Variants in CSMD1 observed in about 807,000 individuals in gnomAD.
CSMD1 encodes CUB and Sushi multiple domains 1, also known as CUB and sushi domain-containing protein 1.
A neutral mutation model predicts 417.5 loss-of-function variants in CSMD1; 213 were observed. The observed-to-expected ratio is 0.51, with a 90% CI of 0.46 to 0.57. CSMD1 has a LOEUF of 0.57. CSMD1 is among the 20% of genes least tolerant of loss of function. The probability of loss-of-function intolerance (pLI) is 0.00; values close to 1 mark genes in which losing one functional copy is unlikely to be tolerated. For synonymous variants in CSMD1, 2,862 were observed against 1,736.8 expected (o/e 1.65, Z -16.11); for missense variants, 6,923 against 4,529.7 (o/e 1.53, Z -15.17).
At chr8:3,836,701 G>C (rs1339849861) in intron 5 of CSMD1, among the ~76,000 whole-genome samples, 2 of 151,974 alleles carry the variant, frequency 1.3e-5, no homozygotes, top group Admixed American at 6.6e-5. Flanking sequence ...GGTTAGAATT[G>C]GGAAAATAAA....
chr8:3,402,209 C>G (rs1236779714), intron 15 of CSMD1, among the ~76,000 whole-genome samples: 2 of 152,288 alleles, frequency 1.3e-5, no homozygotes, highest in South Asian at 4.1e-4. Flanking sequence ...AGAGAACTCA[C>G]TCACACCCCT....
At position 3,313,857 on chromosome 8, in the gene CSMD1, T is replaced by C. The variant is rs544443681; in HGVS notation, c.3632-5354A>G. Among the ~76,000 whole-genome samples the C allele has an allele frequency of 9.3e-4, 142 of 152,092 alleles. 2 individuals are homozygous for C. Among genetic ancestry groups the C allele is most frequent in the Admixed American group, 3.2e-3 (49 of 15,270 alleles). ...GCGGCACTATTCACAATAGCAAAGA[T>C]TTGGAACCAACCCAAATGTCCAACA... is the stretch of plus-strand genomic sequence containing the variant. On this transcript the variant is annotated intron_variant, in intron 23 of 69. Transcript: ENST00000635120.
At chr8:3,567,427 AAAAAT>A (rs982621782) in intron 10 of CSMD1, among the ~76,000 whole-genome samples, 2 of 152,040 alleles carry the variant, frequency 1.3e-5, no homozygotes. Context: ...TAAAAGTTTT[AAAAAT>A]AAAATAAAAA....
At chr8:4,259,044 G>T (rs1052650929) in intron 3 of CSMD1, among the ~76,000 whole-genome samples, 1 of 152,134 alleles carries the variant, frequency 6.6e-6, no homozygotes, top group Admixed American at 6.5e-5. Flanking sequence ...AGGAAAAATT[G>T]TGCAAAGACC....
intron 3 of CSMD1, among the ~76,000 whole-genome samples, chr8:4,356,614 T>A (rs1024577874): frequency 2.6e-5 from 4 of 152,210 alleles, no homozygotes; most frequent in Admixed American, 6.5e-5. Flanking sequence ...CTTGGCTGTT[T>A]TCACTGTGTC....
At chr8:4,962,309 C>G (rs1461184817) in intron 1 of CSMD1, among the ~76,000 whole-genome samples, 1 of 152,004 alleles carries the variant, frequency 6.6e-6, no homozygotes, top group Non-Finnish European at 1.5e-5. Flanking sequence ...CTCCTGGTCT[C>G]AAAAGAGCTT....
At chr8:3,552,197 G>A (rs1371940984) in intron 10 of CSMD1, among the ~76,000 whole-genome samples, 1 of 152,060 alleles carries the variant, frequency 6.6e-6, no homozygotes, top group Non-Finnish European at 1.5e-5. Context: ...ACTGTCTGTG[G>A]AAAAGACAAC....
At chr8:3,521,882 C>A (rs563107103) in intron 10 of CSMD1, among the ~76,000 whole-genome samples, 1 of 152,258 alleles carries the variant, frequency 6.6e-6, no homozygotes, top group Non-Finnish European at 1.5e-5. Flanking sequence ...AGTTTGATGC[C>A]AAATTTTGTG....
chr8:4,083,750 C>A (rs1388074762), intron 3 of CSMD1, among the ~76,000 whole-genome samples: 1 of 152,052 alleles, frequency 6.6e-6, no homozygotes, highest in Non-Finnish European at 1.5e-5. Context: ...AGAAGAAAAC[C>A]TAGGCATTAC....
intron 3 of CSMD1, among the ~76,000 whole-genome samples, chr8:4,105,448 T>A (rs1033755972): frequency 2.0e-5 from 3 of 152,218 alleles, no homozygotes; most frequent in Non-Finnish European, 4.4e-5. Context: ...TCATTAATGA[T>A]GTATTCATTC....
At chr8:4,554,756 G>A (rs1038399557) in intron 2 of CSMD1, among the ~76,000 whole-genome samples, 3 of 152,208 alleles carry the variant, frequency 2.0e-5, no homozygotes, top group Non-Finnish European at 4.4e-5. Flanking sequence ...TTTATTGAGT[G>A]CTAGTCATTG....
intron 10 of CSMD1, among the ~76,000 whole-genome samples, chr8:3,501,902 T>C (rs1271547057): frequency 6.6e-6 from 1 of 152,170 alleles, no homozygotes; most frequent in African/African-American, 2.4e-5. Context: ...CAAATATATC[T>C]ACCATAGATA....
At chr8:4,139,170 T>C (rs79987535) in intron 3 of CSMD1, among the ~76,000 whole-genome samples, 44,995 of 151,964 alleles carry the variant, frequency 0.3, 8,088 homozygotes, top group Non-Finnish European at 0.39. Context: ...ATGAAACCCT[T>C]TACTTAAACT....
At chr8:4,313,741 C>A (rs1258169926) in intron 3 of CSMD1, among the ~76,000 whole-genome samples, 1 of 152,084 alleles carries the variant, frequency 6.6e-6, no homozygotes, top group Non-Finnish European at 1.5e-5. Flanking sequence ...CTAGGCCGGG[C>A]ACAGTGGCTC....
chr8:3,839,500 A>G (rs1431174684), intron 5 of CSMD1, among the ~76,000 whole-genome samples: 5 of 59,356 alleles, frequency 8.4e-5, no homozygotes, highest in Admixed American at 2.8e-4. Context: ...ATATATTAAT[A>G]TATATATTTA....
intron 10 of CSMD1, among the ~76,000 whole-genome samples, chr8:3,565,485 C>G (rs954643552): frequency 3.3e-5 from 5 of 152,182 alleles, no homozygotes; most frequent in African/African-American, 1.2e-4. Context: ...TGAACCATAT[C>G]TATTCCAATC....
intron 1 of CSMD1, among the ~76,000 whole-genome samples, chr8:4,954,912 G>C (rs1306522541): frequency 1.3e-5 from 2 of 152,150 alleles, no homozygotes; most frequent in Non-Finnish European, 2.9e-5. Flanking sequence ...ATACCTGATT[G>C]AAATGATCAG....
intron 26 of CSMD1, among the ~76,000 whole-genome samples, chr8:3,262,246 A>G (rs185646926): frequency 8.2e-6 from 1 of 121,696 alleles, no homozygotes; most frequent in Non-Finnish European, 1.7e-5. Context: ...CACATAGTTA[A>G]TTTCAAAATT....
intron 5 of CSMD1, among the ~76,000 whole-genome samples, chr8:3,891,991 C>G (rs1188839396): frequency 6.6e-6 from 1 of 151,620 alleles, no homozygotes; most frequent in Admixed American, 6.6e-5. Flanking sequence ...TCAATATTAG[C>G]ACACGATACT....
Sources: allele counts gnomAD v4.1 joint callset (sites outside exome capture counted in the v4.1 genomes callset), GRCh38; gene constraint gnomAD v4.1.1; transcripts MANE v1.5; gene names NCBI Gene and HGNC (gene_info 2026-07-23, HGNC 2026-07-21).